Variants in YPEL2 observed in about 807,000 individuals in gnomAD.
YPEL2 encodes the protein protein yippee-like 2.
A neutral mutation model predicts 19.1 loss-of-function variants in YPEL2; 2 were observed. The observed-to-expected ratio is 0.10, with a 90% CI of 0.04 to 0.33. The LOEUF is 0.33. YPEL2 is among the 10% of genes least tolerant of loss of function. YPEL2 has a pLI of 1.00. For synonymous variants in YPEL2, 52 were observed against 50.0 expected (o/e 1.04, Z -0.17); for missense variants, 66 against 140.7 (o/e 0.47, Z 2.68).
At chr17:59,394,186 G>C (rs578185552) in intron 4 of YPEL2, among the ~76,000 whole-genome samples, 7,459 of 151,870 alleles carry the variant, frequency 0.049, 268 homozygotes, top group Non-Finnish European at 0.072. Context: ...CTGGCCGGGC[G>C]GGGGGCTGAC....
Position 59,353,699 on chromosome 17 carries a change from G to C in YPEL2, c.117+173G>C, listed in dbSNP as rs778599886. On this transcript the variant is annotated intron_variant, in intron 2 of 4. Transcript: ENST00000312655. The surrounding 1 kb of genome is among the most constrained non-coding windows in gnomAD (Gnocchi z 4.8). ...AGAAAAACTCTGAGTTGGAGGGACA[G>C]AGTAGTCATTTAATTTGTTATTTTG... is the stretch of plus-strand genomic sequence containing the variant. 5 of 657,496 alleles carry C rather than the reference G, an allele frequency of 7.6e-6. No homozygotes were observed. The Admixed American group carries it at 1.1e-4, about 14-fold the overall frequency. 40.7% of individuals were successfully genotyped at this position (657,496 alleles called of 1,614,324 possible).
intron 4 of YPEL2, among the ~76,000 whole-genome samples, chr17:59,390,243 C>G (rs2048000969): frequency 6.6e-6 from 1 of 152,078 alleles, no homozygotes. Context: ...CTCAGGTGAT[C>G]CACCCCCGTC....
chr17:59,370,903 G>C (rs2047893912), intron 2 of YPEL2, among the ~76,000 whole-genome samples: 1 of 152,202 alleles, frequency 6.6e-6, no homozygotes, highest in African/African-American at 2.4e-5. Flanking sequence ...GTCCAACTGG[G>C]TCAGGGGGAG....
intron 4 of YPEL2, among the ~76,000 whole-genome samples, chr17:59,394,373 C>T (rs1454235424): frequency 1.3e-4 from 19 of 142,894 alleles, no homozygotes; most frequent in East Asian, 4.4e-4. Context: ...ACATCCCAGA[C>T]GGGGCGGCGG....
chr17:59,372,095 G>A (rs962281832), intron 2 of YPEL2, among the ~76,000 whole-genome samples: 3 of 152,180 alleles, frequency 2.0e-5, no homozygotes, highest in Admixed American at 6.5e-5. Context: ...AACCTTGGAT[G>A]TAGGTACCAG....
intron 2 of YPEL2, among the ~76,000 whole-genome samples, chr17:59,370,755 G>GA (rs2047893158): frequency 1.3e-5 from 2 of 151,966 alleles, no homozygotes; most frequent in Admixed American, 6.6e-5. Context: ...GCACACAGAG[G>GA]AGGGGCACAG....
In YPEL2 at chr17:59,400,122, T is replaced by C. The variant is rs2048062786; in HGVS notation, c.*2932T>C. 1 of 152,600 alleles carries C rather than the reference T, an allele frequency of 6.6e-6. No individual in the cohort carries two copies. The highest frequency in any genetic ancestry group is 1.5e-5 in the Non-Finnish European group (1 of 68,076). 9.5% of individuals were successfully genotyped at this position (152,600 alleles called of 1,614,324 possible). A position where few individuals can be genotyped will look rare whatever the true frequency, so the allele number is the denominator to read the frequency against. On this transcript the variant is annotated 3_prime_UTR_variant, in exon 5 of 5. Transcript: ENST00000312655. The stretch of plus-strand genomic sequence containing the variant: ...CGGGACATTAGTCTCAGGCTGCTGA[T>C]GGATTGATTTGACATGAACCAAACA...
At chr17:59,345,224 T>G (rs1465438893) in intron 1 of YPEL2, 1 of 152,198 alleles carries the variant, frequency 6.6e-6, no homozygotes, top group African/African-American at 2.4e-5. Context: ...CTAGAGATCA[T>G]GTAGGATTAT....
intron 2 of YPEL2, among the ~76,000 whole-genome samples, chr17:59,379,672 G>T (rs1184752919): frequency 3.9e-5 from 6 of 152,168 alleles, no homozygotes; most frequent in African/African-American, 1.4e-4. Context: ...GGAAATAGTG[G>T]TGATAGTTGC....
At position 59,400,826 on chromosome 17, in the gene YPEL2, C is replaced by T. The variant is rs2048067375; in HGVS notation, c.*3636C>T. The T allele has an allele frequency of 6.6e-6, 1 of 152,526 alleles. No individual in the cohort carries two copies. The highest frequency in any genetic ancestry group is 1.5e-5 in the Non-Finnish European group (1 of 68,032). The allele number at this position is 152,526 out of a possible 1,614,324, so 9.4% of individuals were successfully genotyped here. A position where few individuals can be genotyped will look rare whatever the true frequency, so the allele number is the denominator to read the frequency against. ...GACACTTTAACTACAGTTTACACCT[C>T]GGGCGCATAAAGTTTTTCTTCTCTT... On this transcript the variant is annotated 3_prime_UTR_variant, in exon 5 of 5. Transcript: ENST00000312655.
At chr17:59,392,513 T>TG (rs1449275917) in intron 4 of YPEL2, among the ~76,000 whole-genome samples, 15 of 145,616 alleles carry the variant, frequency 1.0e-4, no homozygotes, top group African/African-American at 3.6e-4. Flanking sequence ...GCACGTTTTT[T>TG]TTTTTTTTTT....
chr17:59,379,518 G>T (rs539877206), intron 2 of YPEL2, among the ~76,000 whole-genome samples: 6 of 152,260 alleles, frequency 3.9e-5, no homozygotes, highest in South Asian at 4.1e-4. Context: ...TCACTGAGAC[G>T]CCTAAAAGGA....
chr17:59,371,139 C>T (rs543896232), intron 2 of YPEL2, among the ~76,000 whole-genome samples: 1 of 152,318 alleles, frequency 6.6e-6, no homozygotes, highest in Admixed American at 6.5e-5. Flanking sequence ...GCCCCAAATA[C>T]CCAGTCTCCT....
Position 59,388,319 on chromosome 17 carries a change from C to G in YPEL2, c.118-8C>G, listed in dbSNP as rs763544105. 3.1e-6 allele frequency: 5 copies of G among 1,613,980 alleles called. No individual in the cohort carries two copies. Among genetic ancestry groups the G allele is most frequent in the Admixed American group, 3.3e-5 (2 of 60,000 alleles). On this transcript the variant is annotated splice_polypyrimidine_tract_variant and splice_region_variant and intron_variant, in intron 2 of 4. Transcript: ENST00000312655. ...GTCTAACTATCGATTTGTTTTCTTGCATTTCAGTCATTCCAAGGAAGTCAA... is the reference window on the plus strand; with the variant it reads ...GTCTAACTATCGATTTGTTTTCTTGGATTTCAGTCATTCCAAGGAAGTCAA...
chr17:59,346,375 G>T (rs2047756636), intron 1 of YPEL2, among the ~76,000 whole-genome samples: 1 of 152,204 alleles, frequency 6.6e-6, no homozygotes, highest in African/African-American at 2.4e-5. Context: ...GAATAGGCAT[G>T]GATGCCAATG....
chr17:59,336,033 C>G (rs114264612), intron 1 of YPEL2, among the ~76,000 whole-genome samples: 1 of 152,194 alleles, frequency 6.6e-6, no homozygotes, highest in Non-Finnish European at 1.5e-5. Context: ...TTTGCCGACA[C>G]GGAAGCTTGA....
chr17:59,351,658 G>T (rs886802091), intron 1 of YPEL2, among the ~76,000 whole-genome samples: 1 of 152,198 alleles, frequency 6.6e-6, no homozygotes, highest in South Asian at 2.1e-4. Context: ...TTTCCTTCAA[G>T]TGTTGCTATA....
At chr17:59,348,321 G>A (rs558527912) in intron 1 of YPEL2, among the ~76,000 whole-genome samples, 12 of 152,178 alleles carry the variant, frequency 7.9e-5, no homozygotes, top group Non-Finnish European at 1.5e-4. Context: ...TCCGTGGCTC[G>A]GCATGTGGTG....
chr17:59,349,368 T>C (rs2047775356), intron 1 of YPEL2, among the ~76,000 whole-genome samples: 3 of 146,018 alleles, frequency 2.1e-5, no homozygotes, highest in African/African-American at 5.0e-5. Context: ...CTTTTTTTTT[T>C]TTTTTTTTTT....
Sources: gnomAD v4.1 joint callset for allele counts (sites outside exome capture counted in the v4.1 genomes callset) on GRCh38, gnomAD v4.1.1 for gene constraint, Gnocchi (gnomAD v3.1) non-coding constraint, MANE v1.5 for transcripts, NCBI Gene and HGNC (gene_info 2026-07-23, HGNC 2026-07-21) for gene names.